The following CHORDC1 variants were observed in gnomAD, a reference collection of about 807,000 sequenced individuals.
CHORDC1 encodes the protein cysteine and histidine rich domain containing 1.
Under a neutral mutation model 48.3 loss-of-function variants are expected in CHORDC1, and 25 were observed. That is an observed-to-expected ratio of 0.52 (90% CI 0.38 to 0.72). CHORDC1 has a LOEUF of 0.72. Ranked by LOEUF, CHORDC1 falls within the 30% of genes least tolerant of loss-of-function variation. The probability of loss-of-function intolerance (pLI) is 0.00; values close to 1 mark genes in which losing one functional copy is unlikely to be tolerated. For missense variants in CHORDC1, 317 were observed against 388.7 expected, an observed-to-expected ratio of 0.82 and a Z score of 1.55; for synonymous variants, 128 against 126.4, an observed-to-expected ratio of 1.01 and a Z score of -0.09.
At chr11:90,206,464 T>G in intron 6 of CHORDC1, 192 bp from the exon 7 acceptor site, 1 of 503,554 alleles carries the variant, frequency 2.0e-6, no homozygotes, top group Non-Finnish European at 3.6e-6. Flanking sequence ...CTTGGTTAAG[T>G]TTTAGGTTCC....
At chr11:90,218,278 C>T (rs1223636714) in intron 1 of CHORDC1, 94 bp from the exon 2 acceptor site, 5 of 921,640 alleles carry the variant, frequency 5.4e-6, no homozygotes, top group African/African-American at 1.8e-5. Flanking sequence ...ACCTTTAATC[C>T]TTTTTCCAAA....
In CHORDC1 at chr11:90,214,005, G is replaced by C; in HGVS notation, c.329+13C>G. On this transcript the variant is annotated intron_variant, in intron 4 of 10. Coordinates refer to ENST00000320585, the MANE Select transcript of CHORDC1 (RefSeq NM_012124.3). ...TCAAGTGTGACAAAAATATGTAACTGTATAAAGTATACCTTGGTCTTTTTA... is the reference window on the plus strand; with the variant it reads ...TCAAGTGTGACAAAAATATGTAACTCTATAAAGTATACCTTGGTCTTTTTA... 1 of 1,600,674 alleles carries C rather than the reference G, an allele frequency of 6.2e-7. No homozygotes were observed. Among genetic ancestry groups the C allele is most frequent in the Non-Finnish European group, 8.5e-7 (1 of 1,172,972 alleles).
At chr11:90,213,279 GA>G (rs1554988556) in intron 4 of CHORDC1, 1 of 575,110 alleles carries the variant, frequency 1.7e-6, no homozygotes, top group Non-Finnish European at 3.1e-6. Context: ...AGAATAAAGG[GA>G]AAATCATGAG....
intron 4 of CHORDC1, 45 bp from the exon 5 acceptor site, chr11:90,211,363 T>C (rs775312410): frequency 1.6e-6 from 2 of 1,215,868 alleles, no homozygotes; most frequent in African/African-American, 1.5e-5. Context: ...TATACCAAAA[T>C]ATTTCTTTGT....
intron 8 of CHORDC1, among the ~76,000 whole-genome samples, chr11:90,203,987 T>C (rs1857604835): frequency 6.6e-6 from 1 of 152,182 alleles, no homozygotes; most frequent in African/African-American, 2.4e-5. Context: ...AGTAGTATAC[T>C]ATACTGCCCT....
At position 90,205,976 on chromosome 11, in the gene CHORDC1, T is replaced by C. The variant is rs927555002; in HGVS notation, c.563+226A>G. The C allele has an allele frequency of 1.9e-5, 10 of 536,972 alleles. No homozygotes were observed. The Admixed American group carries it at 2.4e-4, about 13-fold the overall frequency. 33.3% of individuals were successfully genotyped at this position (536,972 alleles called of 1,614,324 possible). On this transcript the variant is annotated intron_variant, in intron 7 of 10. Coordinates refer to ENST00000320585, the MANE Select transcript of CHORDC1 (RefSeq NM_012124.3). ...ACAGAATATGAAGAAAAACAGGCAG[T>C]TTATATCACAATGACCACTTAAGAA...
chr11:90,202,888 TAC>T lies in CHORDC1; in HGVS notation c.790-15_790-14del, dbSNP rs751059285. The T allele has an allele frequency of 2.1e-5, 33 of 1,581,866 alleles. No homozygotes were observed. The highest frequency in any genetic ancestry group is 2.5e-5 in the Non-Finnish European group (29 of 1,165,926). On this transcript the variant is annotated splice_polypyrimidine_tract_variant and intron_variant, in intron 9 of 10. Transcript: ENST00000320585. ...TATGCACATTTAACTGAAAAAGATA[TAC>T]ACAGTTAATTGATCTAATTCAAACT...
intron 2 of CHORDC1, 65 bp from the exon 3 acceptor site, chr11:90,215,295 ACT>A: frequency 9.4e-7 from 1 of 1,062,802 alleles, no homozygotes; most frequent in Admixed American, 2.5e-5. Flanking sequence ...CCACTAAAAC[ACT>A]CTACTTGCAC....
chr11:90,220,274 T>G (rs1270438488), intron 1 of CHORDC1, among the ~76,000 whole-genome samples: 1 of 152,202 alleles, frequency 6.6e-6, no homozygotes, highest in East Asian at 1.9e-4. Flanking sequence ...ATTGCTTCCT[T>G]AGTAACCATG....
In CHORDC1 at chr11:90,201,404, C is replaced by T. The variant is rs1466582294; in HGVS notation, c.*1001G>A. The T allele has an allele frequency of 2.6e-5, 4 of 151,694 alleles. No individual in the cohort carries two copies. Among genetic ancestry groups the T allele is most frequent in the African/African-American group, 9.7e-5 (4 of 41,344 alleles). The allele number at this position is 151,694 out of a possible 1,614,324, so 9.4% of individuals were successfully genotyped here. A position where few individuals can be genotyped will look rare whatever the true frequency, so the allele number is the denominator to read the frequency against. ...GTACAATATATAGTCAACATTGTATCACTAGAATTGTGAAGCTCTTCATGA... is the reference window on the plus strand; with the variant it reads ...GTACAATATATAGTCAACATTGTATTACTAGAATTGTGAAGCTCTTCATGA... On this transcript the variant is annotated 3_prime_UTR_variant, in exon 11 of 11. Coordinates refer to ENST00000320585, the MANE Select transcript of CHORDC1 (RefSeq NM_012124.3).
intron 1 of CHORDC1, 175 bp downstream of exon 1, chr11:90,222,716 G>T (rs750976770): frequency 3.9e-5 from 28 of 717,554 alleles, no homozygotes; most frequent in Non-Finnish European, 6.4e-5. Context: ...GGAACGCGGC[G>T]CAACAGAGGG....
rs1388689343 is a variant in CHORDC1, at chr11:90,202,412, G to T, written c.992C>A (p.Thr331Lys). The T allele has an allele frequency of 1.2e-6, 2 of 1,611,572 alleles. No individual in the cohort carries two copies. The highest frequency in any genetic ancestry group is 1.7e-6 in the Non-Finnish European group (2 of 1,179,528). Residue 331 changes from threonine to lysine, a missense_variant, in exon 11 of 11, where the codon ACA becomes AAA. Transcript: ENST00000320585. ...KKQEKQKDAT[T>K]D is the part of the protein sequence containing the mutation. The stretch of plus-strand genomic sequence containing the variant: ...CTTCCTTCCATCTCCCACTCAATCT[G>T]TTGTGGCATCTTTTTGTTTTTCCTG...
intron 8 of CHORDC1, among the ~76,000 whole-genome samples, chr11:90,203,724 A>T (rs1032391584): frequency 6.6e-6 from 1 of 152,158 alleles, no homozygotes; most frequent in Non-Finnish European, 1.5e-5. Context: ...ACTCCTACTA[A>T]ATTTAATCCA....
intron 1 of CHORDC1, among the ~76,000 whole-genome samples, chr11:90,221,061 C>T (rs1858159153): frequency 1.3e-5 from 2 of 151,786 alleles, no homozygotes; most frequent in Non-Finnish European, 2.9e-5. Context: ...GACTATAAGT[C>T]AACGAGCACG....
At chr11:90,221,706 G>T (rs1858176459) in intron 1 of CHORDC1, among the ~76,000 whole-genome samples, 1 of 152,134 alleles carries the variant, frequency 6.6e-6, no homozygotes, top group South Asian at 2.1e-4. Context: ...CATCATATTT[G>T]CATCATAAAA....
At chr11:90,207,759 T>TAAAAAAA (rs1857736256) in intron 6 of CHORDC1, 2 of 3,334 alleles carry the variant, frequency 6.0e-4, no homozygotes, top group East Asian at 8.6e-3. Flanking sequence ...ATGGTTAAAA[T>TAAAAAAA]ACAAAAAAAA....
chr11:90,204,810 A>G (rs1390387386), intron 8 of CHORDC1, among the ~76,000 whole-genome samples: 1 of 152,140 alleles, frequency 6.6e-6, no homozygotes, highest in South Asian at 2.1e-4. Context: ...ATACATTAAC[A>G]ATAGCTAACA....
At chr11:90,207,926 A>G (rs1467255359) in intron 6 of CHORDC1, 1 of 152,166 alleles carries the variant, frequency 6.6e-6, no homozygotes, top group East Asian at 1.9e-4. Context: ...ACAGGTGGGC[A>G]TACCTAATCC....
intron 1 of CHORDC1, among the ~76,000 whole-genome samples, chr11:90,219,060 G>A (rs1249943195): frequency 6.6e-6 from 1 of 151,898 alleles, no homozygotes; most frequent in Non-Finnish European, 1.5e-5. Context: ...GAGGTCAGGA[G>A]TACGAGACCA....
Sources: allele counts gnomAD v4.1 joint callset (sites outside exome capture counted in the v4.1 genomes callset), GRCh38; gene constraint gnomAD v4.1.1; transcripts MANE v1.5; gene names NCBI Gene and HGNC (gene_info 2026-07-23, HGNC 2026-07-21).